EPB41L2: variants seen among roughly 807,000 people sequenced by gnomAD.
The protein encoded by EPB41L2 is band 4.1-like protein 2.
In EPB41L2, 43 loss-of-function variants were observed where a neutral mutation model predicts 113.0. The ratio of observed to expected loss-of-function variants is 0.38; its 90% CI spans 0.30 to 0.49. The LOEUF (loss-of-function observed/expected upper bound fraction) is 0.49, where lower values mean the gene tolerates loss of function less well. EPB41L2 is among the 20% of genes least tolerant of loss of function. EPB41L2 has a pLI of 0.95. For synonymous variants in EPB41L2, 442 were observed against 436.7 expected (o/e 1.01, Z -0.15); for missense variants, 1,147 against 1,223.4 (o/e 0.94, Z 0.93).
intron 19 of EPB41L2, among the ~76,000 whole-genome samples, chr6:130,855,222 C>A (rs542121460): frequency 2.0e-5 from 3 of 151,606 alleles, no homozygotes; most frequent in Non-Finnish European, 4.4e-5. Context: ...TGATGGTGGG[C>A]GCCTGTAATT....
At chr6:131,041,304 T>C (rs953447760) in intron 1 of EPB41L2, among the ~76,000 whole-genome samples, 4 of 152,136 alleles carry the variant, frequency 2.6e-5, no homozygotes, top group African/African-American at 7.2e-5. Context: ...AAAAAGTTAA[T>C]GTAAGGAAAT....
At chr6:130,990,226 C>T (rs1193751415) in intron 1 of EPB41L2, among the ~76,000 whole-genome samples, 1 of 151,668 alleles carries the variant, frequency 6.6e-6, no homozygotes, top group Non-Finnish European at 1.5e-5. Flanking sequence ...GAGGCTGAGG[C>T]AAGAGAATCG....
In EPB41L2 at chr6:130,926,476, C is replaced by T. The variant is rs947466575; in HGVS notation, c.810+129G>A. The T allele has an allele frequency of 5.1e-5, 35 of 691,078 alleles. 1 individual carries two copies. The highest frequency in any genetic ancestry group is 4.0e-4 in the Middle Eastern group (1 of 2,482). The allele number at this position is 691,078 out of a possible 1,614,324, so 42.8% of individuals were successfully genotyped here. A position where few individuals can be genotyped will look rare whatever the true frequency, so the allele number is the denominator to read the frequency against. ...CACAAGATAGTTTTTCAGTATTTACCAAATTTCACAGTGAAGTCATAATAA... is the reference window on the plus strand; with the variant it reads ...CACAAGATAGTTTTTCAGTATTTACTAAATTTCACAGTGAAGTCATAATAA... On this transcript the variant is annotated intron_variant, in intron 4 of 19. Coordinates refer to ENST00000337057, the MANE Select transcript of EPB41L2 (RefSeq NM_001431.4).
At chr6:130,966,076 T>A (rs1372043523) in intron 1 of EPB41L2, among the ~76,000 whole-genome samples, 1 of 152,106 alleles carries the variant, frequency 6.6e-6, no homozygotes, top group Non-Finnish European at 1.5e-5. Context: ...TAAGAAAGTT[T>A]ACAAATTTGT....
In EPB41L2 at chr6:130,885,256, A is replaced by C. The variant is rs766250892; in HGVS notation, c.1673T>G (p.Val558Gly). The C allele has an allele frequency of 6.2e-7, 1 of 1,614,118 alleles. No individual in the cohort carries two copies. Among genetic ancestry groups the C allele is most frequent in the Non-Finnish European group, 8.5e-7 (1 of 1,179,992 alleles). Residue 558 changes from valine (V) to glycine (G), a missense_variant, in exon 12 of 20, where the codon GTC (valine) becomes GGC (glycine). Physicochemically the swap from Val to Gly is moderately radical, Grantham distance 109. Coordinates refer to ENST00000337057, the MANE Select transcript of EPB41L2 (RefSeq NM_001431.4). The stretch of plus-strand genomic sequence containing the variant: ...ATCCTTCATAAGACTTTGGTCCATG[A>C]CACCAATCGGAGCTAGTAAAGAGTG... Reference protein sequence around the residue: ...SRSLDGAPIGVMDQSLMKDFP... With the variant: ...SRSLDGAPIGGMDQSLMKDFP...
At chr6:130,936,557 G>A (rs1039336583) in intron 3 of EPB41L2, among the ~76,000 whole-genome samples, 9 of 146,350 alleles carry the variant, frequency 6.1e-5, no homozygotes, top group South Asian at 2.3e-4. Flanking sequence ...AGTGGCATAC[G>A]TTTACATTAA....
intron 1 of EPB41L2, among the ~76,000 whole-genome samples, chr6:131,062,062 C>T (rs533720100): frequency 2.0e-5 from 3 of 152,006 alleles, no homozygotes; most frequent in Non-Finnish European, 4.4e-5. Context: ...AAATTAAGGG[C>T]AGCTGTGGTG....
chr6:130,880,267 C>A, intron 12 of EPB41L2, 61 bp from the exon 13 acceptor site: 1 of 1,209,494 alleles, frequency 8.3e-7, no homozygotes, highest in Non-Finnish European at 1.2e-6. Flanking sequence ...TATCAATCAG[C>A]AAGCACCAAA....
chr6:130,926,829 C>T, intron 3 of EPB41L2, 120 bp from the exon 4 acceptor site: 1 of 642,184 alleles, frequency 1.6e-6, no homozygotes, highest in Non-Finnish European at 2.5e-6. Context: ...TTTGTTTTCT[C>T]ATTTTCTAAC....
chr6:130,865,580 T>C lies in EPB41L2; in HGVS notation c.2785A>G (p.Thr929Ala), dbSNP rs764464330. The part of the protein sequence containing the change: ...SGTLLTAQTI[T>A]SESVSTTTTT... ...GTCGTTGTTGACACGGACTCAGATG[T>C]GATGGTTTGTGCGGTCAGTAACGTG... is the stretch of plus-strand genomic sequence containing the variant. Residue 929 changes from threonine to alanine, a missense_variant, in exon 17 of 20, where the codon ACA (threonine) becomes GCA (alanine). Coordinates refer to ENST00000337057, the MANE Select transcript of EPB41L2 (RefSeq NM_001431.4). The C allele has an allele frequency of 1.9e-6, 3 of 1,614,058 alleles. No homozygotes were observed. Among genetic ancestry groups the C allele is most frequent in the African/African-American group, 1.3e-5 (1 of 74,920 alleles).
intron 4 of EPB41L2, among the ~76,000 whole-genome samples, chr6:130,921,111 T>G (rs1215033459): frequency 6.6e-6 from 1 of 152,058 alleles, no homozygotes; most frequent in Non-Finnish European, 1.5e-5. Context: ...TCTCTGTCCT[T>G]TCCTCTTCAC....
intron 16 of EPB41L2, 142 bp from the exon 17 acceptor site, chr6:130,865,776 C>T (rs1386697714): frequency 4.1e-5 from 33 of 799,582 alleles, no homozygotes; most frequent in South Asian, 2.2e-4. Context: ...TCCAGGAGAG[C>T]GGCTGGTATT....
chr6:131,050,501 C>A (rs765432676), intron 1 of EPB41L2, among the ~76,000 whole-genome samples: 2 of 152,246 alleles, frequency 1.3e-5, no homozygotes, highest in African/African-American at 4.8e-5. Flanking sequence ...ACACTGATCA[C>A]ATAACAGGCA....
At chr6:130,957,170 A>G (rs185050481) in intron 1 of EPB41L2, among the ~76,000 whole-genome samples, 17 of 152,248 alleles carry the variant, frequency 1.1e-4, no homozygotes. Flanking sequence ...ATCCCACCCA[A>G]CCATAATCAC....
chr6:130,873,953 G>A lies in EPB41L2; in HGVS notation c.2044-3827C>T, dbSNP rs1416498727. On this transcript the variant is annotated intron_variant, in intron 14 of 19. Transcript: ENST00000337057. ...TCATTACCATCTCTATGATTACATC[G>A]TCCCTTGGGGAAGTGGGGGTGGGTG... Among the ~76,000 whole-genome samples, 6 of 152,212 alleles carry A rather than the reference G, an allele frequency of 3.9e-5. No individual in the cohort carries two copies. In the South Asian group the frequency reaches 6.2e-4, roughly 16 times the overall value.
At chr6:130,924,701 C>T (rs1479523271) in intron 4 of EPB41L2, among the ~76,000 whole-genome samples, 2 of 152,064 alleles carry the variant, frequency 1.3e-5, no homozygotes, top group African/African-American at 4.8e-5. Flanking sequence ...TTTTAATTTT[C>T]TGTGGAACTT....
At chr6:130,880,250 A>G (rs768072546) in intron 12 of EPB41L2, 44 bp from the exon 13 acceptor site, 14 of 1,399,428 alleles carry the variant, frequency 1.0e-5, no homozygotes, top group African/African-American at 1.4e-5. Flanking sequence ...GCAAATAAAC[A>G]TAAGTGTATC....
intron 1 of EPB41L2, among the ~76,000 whole-genome samples, chr6:130,983,011 A>T (rs1779723290): frequency 6.6e-6 from 1 of 152,360 alleles, no homozygotes; most frequent in South Asian, 2.1e-4. Context: ...TTGACATCAC[A>T]CCATGATGCT....
chr6:130,998,685 A>G (rs1783695783), intron 1 of EPB41L2, among the ~76,000 whole-genome samples: 1 of 152,212 alleles, frequency 6.6e-6, no homozygotes, highest in Non-Finnish European at 1.5e-5. Flanking sequence ...CATAGTTACA[A>G]ACAGTAGACT....
Sources: gnomAD v4.1 joint callset for allele counts (sites outside exome capture counted in the v4.1 genomes callset) on GRCh38, gnomAD v4.1.1 for gene constraint, MANE v1.5 for transcripts, NCBI Gene and HGNC (gene_info 2026-07-23, HGNC 2026-07-21) for gene names.